The following RIMS1 variants were observed in gnomAD, a reference collection of about 807,000 sequenced individuals.
The protein encoded by RIMS1 is regulating synaptic membrane exocytosis 1.
RIMS1 carries 83 observed loss-of-function variants against 214.1 expected under a neutral mutation model. The ratio of observed to expected loss-of-function variants is 0.39; its 90% confidence interval spans 0.32 to 0.47. RIMS1 has a LOEUF of 0.47. RIMS1 is among the 20% of genes least tolerant of loss of function. RIMS1 has a pLI of 0.99. For missense variants in RIMS1, 2,050 were observed against 2,161.8 expected (o/e 0.95, Z 1.03); for synonymous variants, 793 against 786.8 (o/e 1.01, Z -0.13).
At chr6:71,945,759 T>G (rs567267322) in intron 1 of RIMS1, among the ~76,000 whole-genome samples, 278 of 151,482 alleles carry the variant, frequency 1.8e-3, no homozygotes, top group Non-Finnish European at 3.3e-3. Flanking sequence ...ATCTTTTTTT[T>G]TTTTTTGGAG....
At chr6:72,062,342 T>C (rs933090690) in intron 2 of RIMS1, among the ~76,000 whole-genome samples, 5 of 152,296 alleles carry the variant, frequency 3.3e-5, no homozygotes, top group African/African-American at 1.2e-4. Context: ...CCTATGGCTT[T>C]TTTTATACCA....
chr6:72,163,799 TGG>T (rs1232814186), intron 4 of RIMS1, among the ~76,000 whole-genome samples: 380 of 1,528 alleles, frequency 0.25, 18 homozygotes, highest in African/African-American at 0.25. Context: ...CCCTACTGGC[TGG>T]GGGGGGGGGG....
At chr6:72,220,327 G>C (rs1373863128) in intron 6 of RIMS1, among the ~76,000 whole-genome samples, 1 of 151,976 alleles carries the variant, frequency 6.6e-6, no homozygotes, top group Non-Finnish European at 1.5e-5. Context: ...AGGAAGCAAT[G>C]GACTCTTGAG....
intron 1 of RIMS1, among the ~76,000 whole-genome samples, chr6:71,943,735 C>A (rs973123342): frequency 6.6e-6 from 1 of 152,104 alleles, no homozygotes; most frequent in Non-Finnish European, 1.5e-5. Flanking sequence ...AAAATTGTAG[C>A]TGTCATAGTT....
intron 4 of RIMS1, among the ~76,000 whole-genome samples, chr6:72,178,617 G>A (rs1383306636): frequency 6.6e-6 from 1 of 152,188 alleles, no homozygotes; most frequent in Admixed American, 6.5e-5. Context: ...ATGTAACTGA[G>A]GCAGCGATGT....
At chr6:72,373,935 A>T (rs1035070537) in intron 29 of RIMS1, among the ~76,000 whole-genome samples, 1 of 151,956 alleles carries the variant, frequency 6.6e-6, no homozygotes. Flanking sequence ...TATTTTTTTG[A>T]GTTGAAGTCT....
intron 1 of RIMS1, among the ~76,000 whole-genome samples, chr6:71,909,129 A>G (rs191551120): frequency 2.0e-5 from 3 of 152,248 alleles, no homozygotes; most frequent in East Asian, 3.9e-4. Context: ...AGATGGGACT[A>G]CAGGCACCCA....
chr6:72,014,301 A>G (rs1811945164), intron 2 of RIMS1, among the ~76,000 whole-genome samples: 1 of 152,218 alleles, frequency 6.6e-6, no homozygotes, highest in African/African-American at 2.4e-5. Context: ...AGTTATCTCC[A>G]TCTGGTCCCT....
intron 29 of RIMS1, among the ~76,000 whole-genome samples, chr6:72,376,214 T>C (rs2098374069): frequency 6.6e-6 from 1 of 152,218 alleles, no homozygotes; most frequent in African/African-American, 2.4e-5. Context: ...CATTACAATA[T>C]GTGCTAGCAT....
chr6:72,189,455 C>A (rs1356875939), intron 6 of RIMS1, among the ~76,000 whole-genome samples: 1 of 152,148 alleles, frequency 6.6e-6, no homozygotes, highest in Non-Finnish European at 1.5e-5. Context: ...TTCCATGAGT[C>A]CATGGATGGT....
chr6:72,323,999 A>G (rs2096302902), intron 28 of RIMS1, among the ~76,000 whole-genome samples: 1 of 151,106 alleles, frequency 6.6e-6, no homozygotes, highest in Admixed American at 6.6e-5. Flanking sequence ...AATATCTTTC[A>G]GGAAATAAAT....
intron 26 of RIMS1, among the ~76,000 whole-genome samples, chr6:72,294,956 A>G (rs976305750): frequency 1.3e-5 from 2 of 151,726 alleles, no homozygotes; most frequent in African/African-American, 4.8e-5. Flanking sequence ...GACTTCCACA[A>G]AATTTTTCTG....
intron 6 of RIMS1, among the ~76,000 whole-genome samples, chr6:72,187,841 G>T (rs567172266): frequency 6.6e-6 from 1 of 152,078 alleles, no homozygotes. Flanking sequence ...TCTCTAGAGG[G>T]ACAGAACTAC....
At chr6:71,894,796 A>G (rs1007823165) in intron 1 of RIMS1, among the ~76,000 whole-genome samples, 1 of 152,338 alleles carries the variant, frequency 6.6e-6, no homozygotes, top group Non-Finnish European at 1.5e-5. Flanking sequence ...ATAGTAAAAT[A>G]AGGTAATGTT....
intron 29 of RIMS1, among the ~76,000 whole-genome samples, chr6:72,381,720 C>T (rs1480412188): frequency 6.6e-6 from 1 of 152,164 alleles, no homozygotes; most frequent in African/African-American, 2.4e-5. Context: ...GTAAGTGTAA[C>T]TGAGTGATTT....
intron 4 of RIMS1, among the ~76,000 whole-genome samples, chr6:72,179,205 T>C (rs897124129): frequency 2.6e-5 from 4 of 151,590 alleles, no homozygotes; most frequent in African/African-American, 7.3e-5. Flanking sequence ...ACATTTTTCT[T>C]TTTTTTTCCT....
rs554798338 is a variant in RIMS1, at chr6:71,887,201, A to G, written c.164+14A>G. 23 of 1,597,908 alleles carry G rather than the reference A, an allele frequency of 1.4e-5. 1 individual carries two copies. In the Admixed American group the frequency reaches 2.8e-4, roughly 19 times the overall value. On this transcript the variant is annotated intron_variant, in intron 1 of 33. Coordinates refer to ENST00000521978, the MANE Select transcript of RIMS1 (RefSeq NM_014989.7). ...AGCCATGCTCAAGTAAGCCAGCCCC[A>G]GCCGCGCCATCCATGCCTCCGTGCC...
chr6:72,341,616 A>G (rs1267641776), intron 29 of RIMS1, among the ~76,000 whole-genome samples: 1 of 151,856 alleles, frequency 6.6e-6, no homozygotes, highest in Non-Finnish European at 1.5e-5. Context: ...CAAAAATAGA[A>G]GTATCATTTA....
In RIMS1 at chr6:72,196,726, A is replaced by G. The variant is rs368840304; in HGVS notation, c.1678+13577A>G. ...TCATAAAAGTGATGAGAAAAGGTGAACTATGAGTAGATGAGATGTTTATAG... is the reference window on the plus strand; with the variant it reads ...TCATAAAAGTGATGAGAAAAGGTGAGCTATGAGTAGATGAGATGTTTATAG... On this transcript the variant is annotated intron_variant, in intron 6 of 33. Coordinates refer to ENST00000521978, the MANE Select transcript of RIMS1 (RefSeq NM_014989.7). Among the ~76,000 whole-genome samples, 41 of 151,794 alleles carry G rather than the reference A, an allele frequency of 2.7e-4. No homozygotes were observed. In the South Asian group the frequency reaches 5.8e-3, roughly 22 times the overall value.
Sources: allele counts gnomAD v4.1 joint callset (sites outside exome capture counted in the v4.1 genomes callset), GRCh38; gene constraint gnomAD v4.1.1; transcripts MANE v1.5; gene names NCBI Gene and HGNC (gene_info 2026-07-23, HGNC 2026-07-21).